Variants in HHAT observed in about 807,000 individuals in gnomAD.
HHAT encodes the protein protein-cysteine N-palmitoyltransferase HHAT.
HHAT carries 47 observed loss-of-function variants against 70.8 expected under a neutral mutation model. The ratio of observed to expected loss-of-function variants is 0.66; its 90% CI spans 0.53 to 0.85. The LOEUF (loss-of-function observed/expected upper bound fraction) is 0.85. Ranked by LOEUF, HHAT falls within the 40% of genes least tolerant of loss-of-function variation. The probability of loss-of-function intolerance (pLI) is 0.00; values close to 1 mark genes in which losing one functional copy is unlikely to be tolerated. For missense variants in HHAT, 609 were observed against 604.8 expected, an observed-to-expected ratio of 1.01 and a Z score of -0.07; for synonymous variants, 228 against 247.6, an observed-to-expected ratio of 0.92 and a Z score of 0.74.
chr1:210,390,742 C>T (rs1254821916), intron 4 of HHAT, among the ~76,000 whole-genome samples: 2 of 152,202 alleles, frequency 1.3e-5, no homozygotes, highest in African/African-American at 2.4e-5. Flanking sequence ...TAAGTGAGAA[C>T]ATAGGATATT....
chr1:210,448,875 C>T (rs936541933), intron 7 of HHAT, among the ~76,000 whole-genome samples: 3 of 152,132 alleles, frequency 2.0e-5, no homozygotes, highest in Admixed American at 6.5e-5. Context: ...CTAGATGGAG[C>T]GGGGCTCAGT....
At chr1:210,508,917 C>T (rs1295166253) in intron 8 of HHAT, among the ~76,000 whole-genome samples, 2 of 152,160 alleles carry the variant, frequency 1.3e-5, no homozygotes, top group Non-Finnish European at 2.9e-5. Flanking sequence ...ATCTTAAACT[C>T]ACAAACATTA....
At chr1:210,390,743 A>G (rs1192973824) in intron 4 of HHAT, among the ~76,000 whole-genome samples, 1 of 152,222 alleles carries the variant, frequency 6.6e-6, no homozygotes, top group Non-Finnish European at 1.5e-5. Flanking sequence ...AAGTGAGAAC[A>G]TAGGATATTT....
At chr1:210,359,415 T>C (rs966728484) in intron 2 of HHAT, among the ~76,000 whole-genome samples, 3 of 152,202 alleles carry the variant, frequency 2.0e-5, no homozygotes, top group Non-Finnish European at 4.4e-5. Flanking sequence ...ACATCACTAT[T>C]GTAAAACCTA....
chr1:210,484,240 C>T (rs1263168390), intron 8 of HHAT, among the ~76,000 whole-genome samples: 1 of 152,112 alleles, frequency 6.6e-6, no homozygotes, highest in East Asian at 1.9e-4. Context: ...ATGTCCGTAG[C>T]CTTTTTTTGT....
At chr1:210,568,960 A>G (rs951208390) in intron 9 of HHAT, among the ~76,000 whole-genome samples, 1 of 152,104 alleles carries the variant, frequency 6.6e-6, no homozygotes, top group Non-Finnish European at 1.5e-5. Flanking sequence ...ATCTGACCCT[A>G]TCTCCAGGTA....
In HHAT at chr1:210,334,035, A is replaced by G. The variant is rs535342656; in HGVS notation, c.-44+4931A>G. Among the ~76,000 whole-genome samples, 19 of 152,214 alleles carry G rather than the reference A, an allele frequency of 1.2e-4. No individual in the cohort carries two copies. In the South Asian group the frequency reaches 3.9e-3, roughly 32 times the overall value. Reference sequence around the variant, plus strand: ...GCTAATTTTCAGCCAGAAATTCATGAAAATAAAGATATTTGAGCTCATGTC... The same window carrying G: ...GCTAATTTTCAGCCAGAAATTCATGGAAATAAAGATATTTGAGCTCATGTC... On this transcript the variant is annotated intron_variant, in intron 1 of 11. Coordinates refer to ENST00000261458, the MANE Select transcript of HHAT (RefSeq NM_018194.6).
intron 4 of HHAT, among the ~76,000 whole-genome samples, chr1:210,390,182 T>C (rs181081990): frequency 1.3e-5 from 2 of 151,690 alleles, no homozygotes; most frequent in Admixed American, 1.3e-4. Flanking sequence ...GAAAGAGAAA[T>C]AGAGGAAAAC....
chr1:210,365,309 G>GTTTTTTTTTTTTTTTTTTTTTTTTT (rs4027290), intron 3 of HHAT, among the ~76,000 whole-genome samples: 1 of 78,420 alleles, frequency 1.3e-5, no homozygotes, highest in Non-Finnish European at 2.2e-5. Context: ...ACTGCTGACA[G>GTTTTTTTTTTTTTTTTTTTTTTTTT]TTTTTTTTTT....
chr1:210,614,357 CTTCT>C (rs1299806548), intron 10 of HHAT, among the ~76,000 whole-genome samples: 12 of 150,390 alleles, frequency 8.0e-5, no homozygotes, highest in South Asian at 6.3e-4. Context: ...AATCATTTTA[CTTCT>C]TTCTTTCTCA....
intron 9 of HHAT, among the ~76,000 whole-genome samples, chr1:210,583,061 G>A (rs1490475312): frequency 6.6e-6 from 1 of 152,194 alleles, no homozygotes; most frequent in Non-Finnish European, 1.5e-5. Flanking sequence ...CATTCTAGGA[G>A]CAGATTTTAC....
chr1:210,413,270 A>G (rs2092619357), intron 6 of HHAT, among the ~76,000 whole-genome samples: 1 of 152,184 alleles, frequency 6.6e-6, no homozygotes, highest in African/African-American at 2.4e-5. Context: ...TTGAACACAA[A>G]TAGTTTTCAT....
intron 6 of HHAT, among the ~76,000 whole-genome samples, chr1:210,405,137 T>G (rs1415260954): frequency 6.6e-6 from 1 of 152,206 alleles, no homozygotes; most frequent in East Asian, 1.9e-4. Flanking sequence ...GCCTGGGAGC[T>G]GTTCAGGGTG....
chr1:210,484,761 G>A (rs1558611110), intron 8 of HHAT, among the ~76,000 whole-genome samples: 1 of 152,092 alleles, frequency 6.6e-6, no homozygotes, highest in African/African-American at 2.4e-5. Context: ...CACTTCCTGT[G>A]TTTCAGCAGT....
chr1:210,456,520 A>G (rs2093872443), intron 7 of HHAT, among the ~76,000 whole-genome samples: 1 of 152,210 alleles, frequency 6.6e-6, no homozygotes, highest in Non-Finnish European at 1.5e-5. Context: ...TGTTTAGAGC[A>G]TATTATTGCT....
chr1:210,540,752 TC>T (rs1265428370), intron 9 of HHAT, among the ~76,000 whole-genome samples: 1 of 151,944 alleles, frequency 6.6e-6, no homozygotes, highest in African/African-American at 2.4e-5. Context: ...CAAGTTATCC[TC>T]CCCTGCTTAG....
chr1:210,471,818 A>G (rs1253826501), intron 8 of HHAT, among the ~76,000 whole-genome samples: 3 of 152,196 alleles, frequency 2.0e-5, no homozygotes, highest in South Asian at 2.1e-4. Context: ...CCAATATCAA[A>G]TAATTTAGTG....
intron 11 of HHAT, among the ~76,000 whole-genome samples, chr1:210,645,680 C>T (rs1673901241): frequency 6.6e-6 from 1 of 152,142 alleles, no homozygotes; most frequent in Non-Finnish European, 1.5e-5. Context: ...AAAGCTTTTG[C>T]TGTGTTGCTG....
intron 3 of HHAT, among the ~76,000 whole-genome samples, chr1:210,367,440 G>T (rs12042152): frequency 6.6e-6 from 1 of 152,126 alleles, no homozygotes; most frequent in African/African-American, 2.4e-5. Flanking sequence ...TGTAGAGTCA[G>T]AGTAGGGAGA....
Sources: gnomAD v4.1 joint callset for allele counts (sites outside exome capture counted in the v4.1 genomes callset) on GRCh38, gnomAD v4.1.1 for gene constraint, MANE v1.5 for transcripts, NCBI Gene and HGNC (gene_info 2026-07-23, HGNC 2026-07-21) for gene names.